Variants in MBTD1 observed in about 807,000 individuals in gnomAD.
The protein encoded by MBTD1 is MBT domain-containing protein 1.
A neutral mutation model predicts 87.8 loss-of-function variants in MBTD1; 24 were observed. The observed-to-expected ratio is 0.27, with a 90% CI of 0.20 to 0.38. The LOEUF is 0.38. Ranked by LOEUF, MBTD1 falls within the 10% of genes least tolerant of loss-of-function variation. The probability of loss-of-function intolerance (pLI) is 1.00; values close to 1 mark genes in which losing one functional copy is unlikely to be tolerated. For synonymous variants in MBTD1, 237 were observed against 248.6 expected (o/e 0.95, Z 0.44); for missense variants, 436 against 760.2 (o/e 0.57, Z 5.02).
intron 16 of MBTD1, chr17:51,184,444 C>T (rs2050446582): frequency 6.6e-6 from 1 of 152,196 alleles, no homozygotes. Context: ...GCTAATGAAA[C>T]CATAGCTTTC....
chr17:51,216,416 AAG>A (rs2052572563), intron 6 of MBTD1, among the ~76,000 whole-genome samples: 1 of 152,226 alleles, frequency 6.6e-6, no homozygotes, highest in Non-Finnish European at 1.5e-5. Flanking sequence ...ATCAAAAGGA[AAG>A]AACTTGTCAT....
chr17:51,229,863 C>T (rs11079948), intron 2 of MBTD1, among the ~76,000 whole-genome samples: 23,255 of 151,808 alleles, frequency 0.15, 2,001 homozygotes, highest in Admixed American at 0.23. Context: ...GATTTCACCT[C>T]GTTAACCAGG....
intron 2 of MBTD1, among the ~76,000 whole-genome samples, chr17:51,229,548 A>G (rs1345402081): frequency 6.6e-6 from 1 of 152,190 alleles, no homozygotes; most frequent in Non-Finnish European, 1.5e-5. Context: ...AAAGCTACAA[A>G]AACTGATTTC....
In MBTD1 at chr17:51,180,403, C is replaced by T. The variant is rs899219894; in HGVS notation, c.*173G>A. 8.0e-6 allele frequency: 1 copy of T among 125,434 alleles called. No individual in the cohort carries two copies. Among genetic ancestry groups the T allele is most frequent in the Non-Finnish European group, 1.7e-5 (1 of 59,734 alleles). The allele number at this position is 125,434 out of a possible 1,614,324, so 7.8% of individuals were successfully genotyped here. On this transcript the variant is annotated 3_prime_UTR_variant, in exon 17 of 17. Coordinates refer to ENST00000586178, the MANE Select transcript of MBTD1 (RefSeq NM_017643.3). ...ATCTTTATAAATTGAAAATTTCCCA[C>T]CCCCCTGCCCCCCCGACTAAAATAG...
chr17:51,236,714 T>C (rs549438345), intron 2 of MBTD1, among the ~76,000 whole-genome samples: 50 of 151,918 alleles, frequency 3.3e-4, no homozygotes, highest in Non-Finnish European at 6.2e-4. Context: ...TGCTTATATA[T>C]CTATAGATAT....
intron 16 of MBTD1, among the ~76,000 whole-genome samples, chr17:51,182,700 A>G (rs748159600): frequency 6.6e-6 from 1 of 152,160 alleles, no homozygotes; most frequent in Non-Finnish European, 1.5e-5. Flanking sequence ...ATCAAGGGTA[A>G]AAGTTCTTCA....
upstream of MBTD1, chr17:51,260,957 G>A: frequency 2.0e-6 from 3 of 1,466,830 alleles, no homozygotes; most frequent in South Asian, 2.7e-5. Flanking sequence ...CGGGCTGGGC[G>A]CACTCGGGCG....
At chr17:51,238,461 G>C (rs1361720762) in intron 2 of MBTD1, among the ~76,000 whole-genome samples, 1 of 152,194 alleles carries the variant, frequency 6.6e-6, no homozygotes, top group Non-Finnish European at 1.5e-5. Context: ...CAGCACAGAG[G>C]TAACGAGAGT....
chr17:51,225,133 T>C lies in MBTD1; in HGVS notation c.29A>G (p.Glu10Gly), dbSNP rs1568203551. The C allele has an allele frequency of 9.0e-6, 14 of 1,550,736 alleles. No individual in the cohort carries two copies. Among genetic ancestry groups the C allele is most frequent in the Non-Finnish European group, 1.2e-5 (14 of 1,146,534 alleles). Residue 10 changes from glutamate to glycine, a missense_variant, in exon 3 of 17, where the codon GAG becomes GGG. Coordinates refer to ENST00000586178, the MANE Select transcript of MBTD1 (RefSeq NM_017643.3). MFDGYDSCSEDTSSSSSSEE... is the reference protein window; with the variant it reads MFDGYDSCSGDTSSSSSSEE... The stretch of plus-strand genomic sequence containing the variant: ...GGAGCTGGAGCTGCTGCTTGTGTCC[T>C]CACTGCAGCTATCATAACCGTCAAA...
At chr17:51,187,634 G>C (rs1343958877) in intron 16 of MBTD1, among the ~76,000 whole-genome samples, 3 of 151,784 alleles carry the variant, frequency 2.0e-5, no homozygotes, top group Admixed American at 2.0e-4. Context: ...TGGATCACTT[G>C]AGGTCAGGAG....
intron 2 of MBTD1, among the ~76,000 whole-genome samples, chr17:51,228,292 C>G (rs953196277): frequency 2.6e-5 from 4 of 152,056 alleles, no homozygotes; most frequent in Admixed American, 2.6e-4. Context: ...GGCTTAGTAT[C>G]TGGGTGATGA....
In MBTD1 at chr17:51,245,503, T is replaced by G. The variant is rs540064188; in HGVS notation, c.-49+13640A>C. 7.2e-5 allele frequency among the ~76,000 whole-genome samples: 11 copies of G among 152,262 alleles called. 1 individual carries two copies. The highest frequency in any genetic ancestry group is 4.6e-4 in the Admixed American group (7 of 15,284). On this transcript the variant is annotated intron_variant, in intron 2 of 16. Transcript: ENST00000586178. ...CCCGTATTTTTTCCTGGTATTTGTA[T>G]AGTTTTTATATTTAGATCTAATGTG...
chr17:51,238,206 T>A (rs939115274), intron 2 of MBTD1, among the ~76,000 whole-genome samples: 5 of 152,184 alleles, frequency 3.3e-5, no homozygotes, highest in African/African-American at 1.2e-4. Context: ...TATGTTTCTG[T>A]GCAGTTTAAT....
intron 6 of MBTD1, among the ~76,000 whole-genome samples, chr17:51,216,396 GAATAA>G (rs1411606058): frequency 6.6e-6 from 1 of 152,078 alleles, no homozygotes; most frequent in African/African-American, 2.4e-5. Context: ...AAATCTAAAG[GAATAA>G]AATAATCAAA....
At chr17:51,259,801 G>A (rs2055361732) in intron 1 of MBTD1, 34 bp downstream of exon 1, 12 of 1,232,662 alleles carry the variant, frequency 9.7e-6, no homozygotes, top group Middle Eastern at 3.1e-4. Context: ...CCCCCCACCT[G>A]GCACACAAAG....
At chr17:51,203,647 T>C in intron 8 of MBTD1, 144 bp downstream of exon 8, 1 of 823,424 alleles carries the variant, frequency 1.2e-6, no homozygotes, top group Non-Finnish European at 1.9e-6. Context: ...TCCGACTGCC[T>C]TGGCCTCCCA....
rs769997045 is a variant in MBTD1, at chr17:51,243,356, A to C, written c.-49+15787T>G. On this transcript the variant is annotated intron_variant, in intron 2 of 16. Transcript: ENST00000586178. ...AACTTTCAGGAAAGTTAGAAGAATA[A>C]TACAATGAAGTCCTGTGTACTCTAC... is the stretch of plus-strand genomic sequence containing the variant. 1.5e-4 allele frequency among the ~76,000 whole-genome samples: 23 copies of C among 152,066 alleles called. 1 individual carries two copies. Among genetic ancestry groups the C allele is most frequent in the Non-Finnish European group, 4.4e-5 (3 of 68,026 alleles).
intron 6 of MBTD1, among the ~76,000 whole-genome samples, chr17:51,214,621 TTCCTGAC>T (rs1337954862): frequency 6.6e-5 from 10 of 152,196 alleles, no homozygotes; most frequent in African/African-American, 2.4e-4. Context: ...CCCATCCCAA[TTCCTGAC>T]TCAATCACAA....
At chr17:51,245,247 CT>C (rs1411505444) in intron 2 of MBTD1, among the ~76,000 whole-genome samples, 4 of 152,062 alleles carry the variant, frequency 2.6e-5, no homozygotes, top group Non-Finnish European at 5.9e-5. Context: ...TATGTGCCTA[CT>C]TTTTTTCTTC....
Sources: gnomAD v4.1 joint callset for allele counts (sites outside exome capture counted in the v4.1 genomes callset) on GRCh38, gnomAD v4.1.1 for gene constraint, MANE v1.5 for transcripts, NCBI Gene and HGNC (gene_info 2026-07-23, HGNC 2026-07-21) for gene names.